GPR158: variants seen among roughly 807,000 people sequenced by gnomAD.
GPR158 encodes the protein metabotropic glycine receptor.
In GPR158, 30 loss-of-function variants were observed where a neutral mutation model predicts 78.2. The ratio of observed to expected loss-of-function variants is 0.38; its 90% CI spans 0.29 to 0.52. The LOEUF (loss-of-function observed/expected upper bound fraction) is 0.52, where lower values mean the gene tolerates loss of function less well. Ranked by LOEUF, GPR158 falls within the 20% of genes least tolerant of loss-of-function variation. The pLI is 0.83. For missense variants in GPR158, 1,463 were observed against 1,523.5 expected, an observed-to-expected ratio of 0.96 and a Z score of 0.66; for synonymous variants, 581 against 591.1, an observed-to-expected ratio of 0.98 and a Z score of 0.25.
At chr10:25,241,064 G>A (rs1853597694) in intron 2 of GPR158, among the ~76,000 whole-genome samples, 1 of 151,786 alleles carries the variant, frequency 6.6e-6, no homozygotes, top group South Asian at 2.1e-4. Flanking sequence ...TCCTAAAGAG[G>A]TTTTGTTTTT....
intron 8 of GPR158, among the ~76,000 whole-genome samples, chr10:25,593,323 T>G (rs74126249): frequency 1.9e-4 from 29 of 152,034 alleles, no homozygotes; most frequent in Admixed American, 1.9e-3. Flanking sequence ...AATGAAGATA[T>G]AAAAATTAGT....
At chr10:25,364,577 C>T (rs1459070904) in intron 2 of GPR158, among the ~76,000 whole-genome samples, 1 of 151,774 alleles carries the variant, frequency 6.6e-6, no homozygotes, top group Non-Finnish European at 1.5e-5. Context: ...CCTGATGTTC[C>T]TTCAAAGGAT....
chr10:25,501,756 T>C (rs1431656856), intron 5 of GPR158, among the ~76,000 whole-genome samples: 2 of 152,180 alleles, frequency 1.3e-5, no homozygotes, highest in Non-Finnish European at 2.9e-5. Context: ...CAATATCTCA[T>C]AAATTATCCT....
At chr10:25,464,952 A>G (rs1252662092) in intron 4 of GPR158, among the ~76,000 whole-genome samples, 1 of 152,216 alleles carries the variant, frequency 6.6e-6, no homozygotes, top group African/African-American at 2.4e-5. Context: ...GACCAATAGC[A>G]AGAAGCCACT....
intron 6 of GPR158, among the ~76,000 whole-genome samples, chr10:25,568,107 C>G (rs546975270): frequency 6.8e-6 from 1 of 147,832 alleles, no homozygotes; most frequent in East Asian, 2.0e-4. Context: ...TGGAGAACAG[C>G]AAAGTGGGTT....
intron 5 of GPR158, among the ~76,000 whole-genome samples, chr10:25,513,483 T>C (rs1352053755): frequency 6.6e-6 from 1 of 150,848 alleles, no homozygotes; most frequent in African/African-American, 2.5e-5. Context: ...TAGTTTTTTG[T>C]TTCATTTATC....
chr10:25,560,478 G>A (rs1017078448), intron 6 of GPR158, among the ~76,000 whole-genome samples: 21 of 152,132 alleles, frequency 1.4e-4, no homozygotes, highest in Admixed American at 4.6e-4. Flanking sequence ...TGTTAGCCAG[G>A]ATGGTCTCAA....
intron 5 of GPR158, among the ~76,000 whole-genome samples, chr10:25,487,165 C>T (rs946914464): frequency 2.6e-5 from 4 of 152,046 alleles, no homozygotes; most frequent in African/African-American, 9.7e-5. Context: ...TCAAATTCAA[C>T]ATGCTCATCA....
intron 2 of GPR158, among the ~76,000 whole-genome samples, chr10:25,373,679 G>T (rs1393544979): frequency 6.6e-6 from 1 of 151,530 alleles, no homozygotes; most frequent in Non-Finnish European, 1.5e-5. Flanking sequence ...TGAGTTTTTT[G>T]ACCCAAGGTA....
intron 1 of GPR158, among the ~76,000 whole-genome samples, chr10:25,212,627 C>CTTT (rs10642944): frequency 0.014 from 1,078 of 78,516 alleles, 58 homozygotes; most frequent in African/African-American, 0.032. Flanking sequence ...GAATTTATAG[C>CTTT]TTTTTTTTTT....
At chr10:25,528,340 T>C (rs1478256872) in intron 5 of GPR158, among the ~76,000 whole-genome samples, 1 of 151,882 alleles carries the variant, frequency 6.6e-6, no homozygotes, top group Admixed American at 6.6e-5. Flanking sequence ...TATATAGATA[T>C]ATAGAGAGAG....
At chr10:25,536,216 C>T (rs1256488471) in intron 5 of GPR158, among the ~76,000 whole-genome samples, 1 of 151,908 alleles carries the variant, frequency 6.6e-6, no homozygotes, top group East Asian at 1.9e-4. Context: ...ATATTTAATT[C>T]TTTAATATTA....
chr10:25,507,398 T>C (rs1836027698), intron 5 of GPR158, among the ~76,000 whole-genome samples: 1 of 152,232 alleles, frequency 6.6e-6, no homozygotes, highest in Non-Finnish European at 1.5e-5. Flanking sequence ...TGTTTCTGTC[T>C]GTAAACAGTT....
chr10:25,504,275 T>C (rs546143746), intron 5 of GPR158, among the ~76,000 whole-genome samples: 4 of 152,208 alleles, frequency 2.6e-5, no homozygotes, highest in African/African-American at 9.6e-5. Context: ...ATTTGTTGAA[T>C]AAATGAGTGA....
intron 3 of GPR158, among the ~76,000 whole-genome samples, chr10:25,405,953 C>T (rs995684036): frequency 6.6e-6 from 1 of 152,040 alleles, no homozygotes; most frequent in African/African-American, 2.4e-5. Flanking sequence ...TTGTTCAAAT[C>T]TGGGTGCACC....
chr10:25,447,903 A>G (rs1333813898), intron 4 of GPR158, among the ~76,000 whole-genome samples: 1 of 152,168 alleles, frequency 6.6e-6, no homozygotes, highest in Non-Finnish European at 1.5e-5. Flanking sequence ...AAGATGTGGA[A>G]GTCTCCATTA....
intron 2 of GPR158, among the ~76,000 whole-genome samples, chr10:25,383,023 G>A (rs921991988): frequency 6.6e-6 from 1 of 151,926 alleles, no homozygotes; most frequent in Non-Finnish European, 1.5e-5. Context: ...TTTTAGTAGA[G>A]ATGGGCTTTC....
At chr10:25,400,398 A>G (rs1443722179) in intron 3 of GPR158, among the ~76,000 whole-genome samples, 2 of 152,212 alleles carry the variant, frequency 1.3e-5, no homozygotes, top group African/African-American at 4.8e-5. Context: ...TTCTGTTAAA[A>G]TATGAAGTGA....
intron 4 of GPR158, among the ~76,000 whole-genome samples, chr10:25,446,532 T>C (rs1389204624): frequency 6.6e-6 from 1 of 152,238 alleles, no homozygotes; most frequent in Non-Finnish European, 1.5e-5. Flanking sequence ...CTTGAGAGTA[T>C]ACTTTGTCCA....
Sources: gnomAD v4.1 joint callset for allele counts (sites outside exome capture counted in the v4.1 genomes callset) on GRCh38, gnomAD v4.1.1 for gene constraint, MANE v1.5 for transcripts, NCBI Gene and HGNC (gene_info 2026-07-23, HGNC 2026-07-21) for gene names.